The following LSM14A variants were observed in gnomAD, a reference collection of about 807,000 sequenced individuals.
LSM14A encodes the protein LSM14A mRNA processing body assembly factor.
A neutral mutation model predicts 52.4 loss-of-function variants in LSM14A; 14 were observed. The ratio of observed to expected loss-of-function variants is 0.27; its 90% confidence interval spans 0.18 to 0.42. The LOEUF is 0.42. Ranked by LOEUF, LSM14A falls within the 10% of genes least tolerant of loss-of-function variation. The pLI is 1.00. For synonymous variants in LSM14A, 185 were observed against 200.3 expected (o/e 0.92, Z 0.64); for missense variants, 417 against 581.8 (o/e 0.72, Z 2.91).
intron 1 of LSM14A, among the ~76,000 whole-genome samples, chr19:34,189,695 G>A (rs2070205603): frequency 1.3e-5 from 2 of 152,138 alleles, no homozygotes; most frequent in South Asian, 4.1e-4. Context: ...GCTGTAATCT[G>A]AGGTATGCCT....
At chr19:34,175,831 A>C (rs944596890) in intron 1 of LSM14A, among the ~76,000 whole-genome samples, 1 of 151,724 alleles carries the variant, frequency 6.6e-6, no homozygotes, top group Non-Finnish European at 1.5e-5. Context: ...TTAAAGCCAA[A>C]AGTGTTTGTT....
At chr19:34,192,841 T>C (rs1184977689) in intron 1 of LSM14A, among the ~76,000 whole-genome samples, 1 of 151,574 alleles carries the variant, frequency 6.6e-6, no homozygotes, top group African/African-American at 2.4e-5. Flanking sequence ...TAGCTGCGCA[T>C]GGTGGCACAC....
intron 1 of LSM14A, among the ~76,000 whole-genome samples, chr19:34,176,115 G>T (rs1300995803): frequency 6.6e-6 from 1 of 152,156 alleles, no homozygotes; most frequent in Non-Finnish European, 1.5e-5. Flanking sequence ...CTCCCAAAGT[G>T]CTGGGATTAC....
intron 4 of LSM14A, among the ~76,000 whole-genome samples, chr19:34,212,279 T>G (rs1222205615): frequency 6.6e-6 from 1 of 152,178 alleles, no homozygotes; most frequent in African/African-American, 2.4e-5. Context: ...AAGCTGTGAT[T>G]GCGGCCCTGC....
intron 1 of LSM14A, among the ~76,000 whole-genome samples, chr19:34,188,291 C>CA (rs1206377522): frequency 1.3e-5 from 2 of 151,518 alleles, no homozygotes; most frequent in Admixed American, 6.6e-5. Context: ...GACGCTGTCT[C>CA]AAAAAAAGAA....
intron 1 of LSM14A, among the ~76,000 whole-genome samples, chr19:34,178,088 A>C (rs1369555245): frequency 6.6e-6 from 1 of 151,886 alleles, no homozygotes; most frequent in Non-Finnish European, 1.5e-5. Context: ...TTGAACCTGA[A>C]AGGCGGAGGT....
chr19:34,189,835 A>C (rs1865182751), intron 1 of LSM14A, among the ~76,000 whole-genome samples: 1 of 152,220 alleles, frequency 6.6e-6, no homozygotes, highest in South Asian at 2.1e-4. Context: ...CTTAAAGATA[A>C]GTTAAAATTT....
chr19:34,213,922 A>T (rs1599710968), intron 4 of LSM14A, among the ~76,000 whole-genome samples: 1 of 152,146 alleles, frequency 6.6e-6, no homozygotes, highest in East Asian at 1.9e-4. Context: ...CTGGGGTTAC[A>T]GGCATGTGCC....
At chr19:34,223,444 C>G (rs998365784) in intron 9 of LSM14A, among the ~76,000 whole-genome samples, 1 of 152,224 alleles carries the variant, frequency 6.6e-6, no homozygotes, top group Non-Finnish European at 1.5e-5. Context: ...GCATCTCTAT[C>G]TGCACTGTTT....
intron 4 of LSM14A, among the ~76,000 whole-genome samples, 178 bp downstream of exon 4, chr19:34,209,229 A>G (rs916580436): frequency 6.6e-6 from 1 of 152,210 alleles, no homozygotes; most frequent in Non-Finnish European, 1.5e-5. Flanking sequence ...GACTCTCACT[A>G]TTTAGACTTA....
rs376096113 is a variant in LSM14A, at chr19:34,172,506, C to T, written c.-137C>T. ...AGGGCGGGAGGCTGGGGGAGGGTAG[C>T]GGAGCCGGCGCCGCCGCCATGTTGG... On this transcript the variant is annotated 5_prime_UTR_variant, in exon 1 of 10. Transcript: ENST00000544216. 3.3e-4 allele frequency: 331 copies of T among 1,014,256 alleles called. 1 individual carries two copies. The South Asian group carries it at 5.2e-3, about 16-fold the overall frequency. 62.8% of individuals were successfully genotyped at this position (1,014,256 alleles called of 1,614,324 possible). A position where few individuals can be genotyped will look rare whatever the true frequency, so the allele number is the denominator to read the frequency against.
In LSM14A at chr19:34,183,710, A is replaced by T. The variant is rs560451760; in HGVS notation, c.122-10768A>T. Among the ~76,000 whole-genome samples, 11 of 152,290 alleles carry T rather than the reference A, an allele frequency of 7.2e-5. No homozygotes were observed. In the South Asian group the frequency reaches 2.3e-3, roughly 32 times the overall value. On this transcript the variant is annotated intron_variant, in intron 1 of 9. Transcript: ENST00000544216. ...TAAGTAGTCAGTGGGAAAAGCCAAG[A>T]TGTAACTTGACTTTCACCCCAAACT...
chr19:34,203,912 A>C (rs1317597912), intron 3 of LSM14A, among the ~76,000 whole-genome samples: 1 of 152,028 alleles, frequency 6.6e-6, no homozygotes, highest in African/African-American at 2.4e-5. Flanking sequence ...TTTAAAAAAA[A>C]AAAAAAAAAG....
chr19:34,214,127 G>T (rs2072380127), intron 4 of LSM14A, among the ~76,000 whole-genome samples: 1 of 152,048 alleles, frequency 6.6e-6, no homozygotes. Context: ...CTTTTAAAAG[G>T]CAAGGAATGA....
At chr19:34,180,150 C>T (rs1299089978) in intron 1 of LSM14A, among the ~76,000 whole-genome samples, 2 of 152,190 alleles carry the variant, frequency 1.3e-5, no homozygotes, top group African/African-American at 4.8e-5. Flanking sequence ...AACTCCTGGG[C>T]TCAAGTGATC....
rs1219516613 is a variant in LSM14A at position 34,227,653 on chromosome 19, A to G, written c.*265A>G. ...GTAATTTCTTATGTATAGTTAAACT[A>G]AAGCAGTACTTCAGTGGGACTTAAC... is the stretch of plus-strand genomic sequence containing the variant. On this transcript the variant is annotated 3_prime_UTR_variant, in exon 10 of 10. Coordinates refer to ENST00000544216, the MANE Select transcript of LSM14A (RefSeq NM_015578.4). The G allele has an allele frequency of 1.3e-5, 5 of 382,970 alleles. No homozygotes were observed. The highest frequency in any genetic ancestry group is 2.3e-5 in the Non-Finnish European group (5 of 216,692). The allele number at this position is 382,970 out of a possible 1,614,324, so 23.7% of individuals were successfully genotyped here.
At chr19:34,184,055 C>CTTTTT (rs34912989) in intron 1 of LSM14A, among the ~76,000 whole-genome samples, 1 of 129,886 alleles carries the variant, frequency 7.7e-6, no homozygotes, top group African/African-American at 2.9e-5. Flanking sequence ...CTTTCCTTTG[C>CTTTTT]TTTTTTTTTT....
Position 34,219,424 on chromosome 19 carries a change from G to T in LSM14A, c.815G>T (p.Arg272Leu), listed in dbSNP as rs1370603291. Residue 272 changes from arginine (R) to leucine (L), a missense_variant, in exon 7 of 10, where the codon CGT becomes CTT. Arg to Leu is a moderately radical substitution (Grantham distance 102, BLOSUM62 -2). Coordinates refer to ENST00000544216, the MANE Select transcript of LSM14A (RefSeq NM_015578.4). ...GCTCCTTCAGCTCCAAGGAGAGGGC[G>T]TGGGGGTCATCGGGGTGGCAGGGGA... ...PGAPSAPRRGRGGHRGGRGRF... is the reference protein window; with the variant it reads ...PGAPSAPRRGLGGHRGGRGRF... The T allele has an allele frequency of 1.9e-6, 3 of 1,613,662 alleles. No individual in the cohort carries two copies. Among genetic ancestry groups the T allele is most frequent in the Non-Finnish European group, 2.5e-6 (3 of 1,179,844 alleles).
At chr19:34,191,048 TTC>T (rs1337933104) in intron 1 of LSM14A, among the ~76,000 whole-genome samples, 7 of 152,164 alleles carry the variant, frequency 4.6e-5, no homozygotes, top group Non-Finnish European at 1.0e-4. Flanking sequence ...AACTATCATC[TTC>T]TCTCTAACCT....
Sources: allele counts gnomAD v4.1 joint callset (sites outside exome capture counted in the v4.1 genomes callset), GRCh38; gene constraint gnomAD v4.1.1; transcripts MANE v1.5; gene names NCBI Gene and HGNC (gene_info 2026-07-23, HGNC 2026-07-21).